The following KIAA1217 variants were observed in gnomAD, a reference collection of about 807,000 sequenced individuals.
KIAA1217 encodes the protein sickle tail protein homolog.
A neutral mutation model predicts 163.9 loss-of-function variants in KIAA1217; 88 were observed. That is an observed-to-expected ratio of 0.54 (90% CI 0.45 to 0.64). KIAA1217 has a LOEUF of 0.64. KIAA1217 is among the 30% of genes least tolerant of loss of function. The pLI is 0.00. For missense variants in KIAA1217, 2,372 were observed against 2,475.0 expected, an observed-to-expected ratio of 0.96 and a Z score of 0.88; for synonymous variants, 903 against 923.1, an observed-to-expected ratio of 0.98 and a Z score of 0.39.
intron 1 of KIAA1217, among the ~76,000 whole-genome samples, chr10:23,843,290 A>G (rs375444704): frequency 5.3e-5 from 8 of 152,196 alleles, no homozygotes; most frequent in East Asian, 1.9e-4. Flanking sequence ...TAGTAGATCA[A>G]CTCGAAATAG....
intron 1 of KIAA1217, among the ~76,000 whole-genome samples, chr10:23,825,373 G>A (rs1467707629): frequency 6.6e-6 from 1 of 152,034 alleles, no homozygotes; most frequent in Non-Finnish European, 1.5e-5. Context: ...CCTTATCTTT[G>A]CATCCTCTTT....
At chr10:24,468,707 G>T (rs1239377408) in intron 5 of KIAA1217, among the ~76,000 whole-genome samples, 1 of 152,178 alleles carries the variant, frequency 6.6e-6, no homozygotes, top group Non-Finnish European at 1.5e-5. Flanking sequence ...CGTCCTCATT[G>T]GCTGAGGTCC....
chr10:23,933,470 A>T (rs1843341100), intron 1 of KIAA1217, among the ~76,000 whole-genome samples: 1 of 152,142 alleles, frequency 6.6e-6, no homozygotes, highest in Non-Finnish European at 1.5e-5. Context: ...ACTTTTAATG[A>T]TCACTAAGTT....
At chr10:24,422,262 G>T (rs1441240528) in intron 3 of KIAA1217, among the ~76,000 whole-genome samples, 1 of 152,120 alleles carries the variant, frequency 6.6e-6, no homozygotes, top group Non-Finnish European at 1.5e-5. Context: ...AGATTTGGCT[G>T]GGGACATAGC....
intron 1 of KIAA1217, among the ~76,000 whole-genome samples, chr10:23,753,096 G>A (rs1333208294): frequency 1.3e-5 from 2 of 152,086 alleles, no homozygotes; most frequent in African/African-American, 4.8e-5. Flanking sequence ...TTTTATGGGG[G>A]CTCAAATCAT....
In KIAA1217 at chr10:24,473,635, C is replaced by G. The variant is rs777514602; in HGVS notation, c.1254C>G (p.Pro418=). 1 of 1,614,126 alleles carries G rather than the reference C, an allele frequency of 6.2e-7. No individual in the cohort carries two copies. The highest frequency in any genetic ancestry group is 8.5e-7 in the Non-Finnish European group (1 of 1,180,020). Residue 418 remains proline, a synonymous_variant, in exon 6 of 21, where the codon CCC becomes CCG. Coordinates refer to ENST00000376454, the MANE Select transcript of KIAA1217 (RefSeq NM_019590.5). ...SSHGGHPLDV[P]DHIIAYHRTA... ...ATGGTGGACACCCACTGGATGTCCC[C>G]GACCACATCATTGCATATCACCGCA...
At chr10:23,845,597 A>G (rs143677933) in intron 1 of KIAA1217, among the ~76,000 whole-genome samples, 2,935 of 151,892 alleles carry the variant, frequency 0.019, 43 homozygotes, top group Non-Finnish European at 0.029. Context: ...TTTTTCTTGT[A>G]AATTTGTTTA....
chr10:23,902,443 C>T lies in KIAA1217; in HGVS notation c.-320-104782C>T, dbSNP rs973955839. 1.1e-4 allele frequency among the ~76,000 whole-genome samples: 16 copies of T among 152,198 alleles called. No homozygotes were observed. In the South Asian group the frequency reaches 2.7e-3, roughly 26 times the overall value. On this transcript the variant is annotated intron_variant, in intron 1 of 18. Coordinates refer to the KIAA1217 transcript ENST00000376462. ...TGGATGGGCCACAAATTCATCCCCA[C>T]TCCTGGAAACAGCATTCAAAGTATC...
At chr10:24,520,829 G>A (rs1436794235) in intron 11 of KIAA1217, among the ~76,000 whole-genome samples, 1 of 147,334 alleles carries the variant, frequency 6.8e-6, no homozygotes, top group African/African-American at 2.5e-5. Context: ...CTGGCAGCCT[G>A]GGTGGCAGAG....
chr10:24,385,188 G>C (rs2053845875), intron 3 of KIAA1217, among the ~76,000 whole-genome samples: 1 of 152,250 alleles, frequency 6.6e-6, no homozygotes, highest in Admixed American at 6.5e-5. Flanking sequence ...TGAGAGGAGA[G>C]GAAGCCTTCC....
At chr10:24,131,496 C>G (rs141183268) in intron 2 of KIAA1217, among the ~76,000 whole-genome samples, 118 of 152,268 alleles carry the variant, frequency 7.7e-4, no homozygotes, top group African/African-American at 2.8e-3. Flanking sequence ...TATCTTTCTC[C>G]TACTCCACAA....
chr10:24,275,947 G>A (rs1590474240), intron 2 of KIAA1217, among the ~76,000 whole-genome samples: 1 of 152,206 alleles, frequency 6.6e-6, no homozygotes, highest in Middle Eastern at 3.4e-3. Context: ...TCCCTCCAGT[G>A]GGCTTGGCGA....
At chr10:23,939,371 A>G (rs1420214341) in intron 1 of KIAA1217, among the ~76,000 whole-genome samples, 1 of 152,188 alleles carries the variant, frequency 6.6e-6, no homozygotes, top group Non-Finnish European at 1.5e-5. Context: ...CTTCAAATTT[A>G]AAGATACAAA....
chr10:24,070,008 T>C (rs1482079625), intron 2 of KIAA1217, among the ~76,000 whole-genome samples: 2 of 152,068 alleles, frequency 1.3e-5, no homozygotes, highest in Non-Finnish European at 2.9e-5. Context: ...AATGGCTAAG[T>C]TTTAATTTTT....
intron 1 of KIAA1217, among the ~76,000 whole-genome samples, chr10:23,953,495 A>G (rs1844429406): frequency 6.6e-6 from 1 of 152,166 alleles, no homozygotes; most frequent in Non-Finnish European, 1.5e-5. Flanking sequence ...TTGTCTAGAA[A>G]AGTTATATGG....
intron 3 of KIAA1217, among the ~76,000 whole-genome samples, chr10:24,428,131 G>C (rs1404948434): frequency 1.3e-5 from 2 of 152,172 alleles, no homozygotes; most frequent in East Asian, 3.9e-4. Context: ...ATGAAAATCA[G>C]ACCATCTTCT....
At chr10:23,725,383 G>A (rs1046571026) in intron 1 of KIAA1217, among the ~76,000 whole-genome samples, 4 of 152,186 alleles carry the variant, frequency 2.6e-5, no homozygotes, top group African/African-American at 9.6e-5. Flanking sequence ...AGAAAGACTG[G>A]CATGATTTGA....
chr10:24,150,105 T>A (rs1589684379), intron 2 of KIAA1217, among the ~76,000 whole-genome samples: 1 of 152,128 alleles, frequency 6.6e-6, no homozygotes, highest in Non-Finnish European at 1.5e-5. Flanking sequence ...GCAACCTCTG[T>A]CTCCTGGGTT....
At chr10:24,164,192 G>A (rs1418946221) in intron 2 of KIAA1217, among the ~76,000 whole-genome samples, 1 of 152,142 alleles carries the variant, frequency 6.6e-6, no homozygotes, top group African/African-American at 2.4e-5. Context: ...GAATAGGAAA[G>A]CCACCCAGTT....
Sources: allele counts gnomAD v4.1 joint callset (sites outside exome capture counted in the v4.1 genomes callset), GRCh38; gene constraint gnomAD v4.1.1; transcripts MANE v1.5; gene names NCBI Gene and HGNC (gene_info 2026-07-23, HGNC 2026-07-21).